RALYL: variants seen among roughly 807,000 people sequenced by gnomAD.
The protein encoded by RALYL is RALY RNA binding protein like, also known as RNA-binding Raly-like protein.
RALYL carries 29 observed loss-of-function variants against 35.1 expected under a neutral mutation model. The observed-to-expected ratio is 0.83, with a 90% confidence interval of 0.61 to 1.13. The LOEUF (loss-of-function observed/expected upper bound fraction) is 1.13. RALYL is among the 50% of genes most tolerant of loss of function. The pLI, the probability that RALYL is intolerant of heterozygous loss-of-function variation, is 0.00. For synonymous variants in RALYL, 120 were observed against 127.6 expected (o/e 0.94, Z 0.40); for missense variants, 359 against 360.4 (o/e 1.00, Z 0.03).
At chr8:84,759,253 T>C (rs187493337) in intron 2 of RALYL, among the ~76,000 whole-genome samples, 3 of 152,302 alleles carry the variant, frequency 2.0e-5, no homozygotes, top group Admixed American at 2.0e-4. Flanking sequence ...GTTCCAGGAA[T>C]TGGAATGTTC....
At chr8:84,515,246 T>C (rs150319474) in intron 1 of RALYL, among the ~76,000 whole-genome samples, 4,582 of 152,262 alleles carry the variant, frequency 0.03, 116 homozygotes, top group Non-Finnish European at 0.038. Flanking sequence ...TTTAGTAAAA[T>C]ACAGGCTTTT....
intron 1 of RALYL, among the ~76,000 whole-genome samples, chr8:84,330,273 T>A (rs1846569042): frequency 6.6e-6 from 1 of 152,078 alleles, no homozygotes; most frequent in Non-Finnish European, 1.5e-5. Context: ...AACACTCTAC[T>A]GTTTATAAGA....
At chr8:84,288,256 C>T (rs548326769) in intron 1 of RALYL, among the ~76,000 whole-genome samples, 9 of 152,206 alleles carry the variant, frequency 5.9e-5, no homozygotes, top group East Asian at 3.9e-4. Context: ...AGGCCACATC[C>T]GCAGGAATCA....
intron 2 of RALYL, among the ~76,000 whole-genome samples, chr8:84,569,616 T>C (rs2135753165): frequency 1.3e-5 from 2 of 152,100 alleles, no homozygotes; most frequent in Middle Eastern, 6.8e-3. Flanking sequence ...CTATTTTTGC[T>C]TTTGTTGCAT....
chr8:84,463,236 A>G (rs932319530), intron 1 of RALYL, among the ~76,000 whole-genome samples: 1 of 151,954 alleles, frequency 6.6e-6, no homozygotes, highest in Non-Finnish European at 1.5e-5. Context: ...GTTACAGACA[A>G]TTGCTCTAGA....
At chr8:84,411,244 C>G (rs564265038) in intron 1 of RALYL, among the ~76,000 whole-genome samples, 4 of 152,056 alleles carry the variant, frequency 2.6e-5, no homozygotes, top group African/African-American at 9.6e-5. Context: ...AACTACAGAA[C>G]ATCACTGGAC....
At chr8:84,519,786 TTTC>T (rs2058326726) in intron 1 of RALYL, among the ~76,000 whole-genome samples, 1 of 152,200 alleles carries the variant, frequency 6.6e-6, no homozygotes, top group South Asian at 2.1e-4. Flanking sequence ...GTGTCACTGA[TTTC>T]TTCTTCTCCA....
chr8:84,367,635 T>A (rs1285920562), intron 1 of RALYL, among the ~76,000 whole-genome samples: 1 of 152,084 alleles, frequency 6.6e-6, no homozygotes, highest in Non-Finnish European at 1.5e-5. Context: ...TTCTATAATT[T>A]TTGAGAATAT....
At chr8:84,857,856 C>CT (rs201820608) in intron 5 of RALYL, among the ~76,000 whole-genome samples, 9 of 151,778 alleles carry the variant, frequency 5.9e-5, no homozygotes, top group African/African-American at 1.9e-4. Context: ...TTTTTATGTA[C>CT]TTTTTTTTCC....
intron 8 of RALYL, among the ~76,000 whole-genome samples, chr8:84,920,338 T>A (rs1444684576): frequency 7.9e-5 from 12 of 152,196 alleles, no homozygotes; most frequent in Admixed American, 7.9e-4. Context: ...CCAATTGAAT[T>A]TGGGCTCTTA....
chr8:84,337,390 T>G (rs1475349024), intron 1 of RALYL, among the ~76,000 whole-genome samples: 3 of 152,000 alleles, frequency 2.0e-5, no homozygotes, highest in Admixed American at 6.6e-5. Context: ...AATGGTGTAT[T>G]TCAGATATCT....
At chr8:84,615,428 T>A (rs1362046904) in intron 2 of RALYL, among the ~76,000 whole-genome samples, 1 of 151,430 alleles carries the variant, frequency 6.6e-6, no homozygotes, top group Non-Finnish European at 1.5e-5. Context: ...ATATACCATC[T>A]TATTCCAGAA....
chr8:84,370,674 G>A (rs1855502840), intron 1 of RALYL, among the ~76,000 whole-genome samples: 1 of 152,094 alleles, frequency 6.6e-6, no homozygotes, highest in Admixed American at 6.6e-5. Context: ...AAGCTAGGTG[G>A]AAGTGTTTAG....
intron 2 of RALYL, among the ~76,000 whole-genome samples, chr8:84,555,107 C>T (rs2061012868): frequency 6.6e-6 from 1 of 152,086 alleles, no homozygotes; most frequent in Non-Finnish European, 1.5e-5. Context: ...GGTGAAACCC[C>T]ACCTCTACTA....
intron 4 of RALYL, among the ~76,000 whole-genome samples, chr8:84,838,264 G>T (rs1258533477): frequency 6.6e-6 from 1 of 152,058 alleles, no homozygotes; most frequent in Admixed American, 6.6e-5. Context: ...CACTCAGAAA[G>T]AAAAAGGGGA....
At chr8:84,587,234 G>A (rs1445504044) in intron 2 of RALYL, among the ~76,000 whole-genome samples, 2 of 152,116 alleles carry the variant, frequency 1.3e-5, no homozygotes, top group African/African-American at 4.8e-5. Flanking sequence ...ATTTCTTGAG[G>A]TTGAAAGCTT....
chr8:84,705,446 C>A (rs1841029571), intron 2 of RALYL, among the ~76,000 whole-genome samples: 1 of 152,066 alleles, frequency 6.6e-6, no homozygotes, highest in Non-Finnish European at 1.5e-5. Context: ...TGAAAATGTG[C>A]AATTTCTGTT....
intron 1 of RALYL, among the ~76,000 whole-genome samples, chr8:84,359,534 G>C (rs1852524166): frequency 6.6e-6 from 1 of 151,842 alleles, no homozygotes; most frequent in Non-Finnish European, 1.5e-5. Flanking sequence ...AAGTATTTTA[G>C]TCATGTCTAA....
At chr8:84,591,359 A>C (rs1813222710) in intron 2 of RALYL, among the ~76,000 whole-genome samples, 1 of 152,160 alleles carries the variant, frequency 6.6e-6, no homozygotes, top group East Asian at 1.9e-4. Context: ...ATTATTTATA[A>C]TACAGCAAAA....
Sources: allele counts gnomAD v4.1 joint callset (sites outside exome capture counted in the v4.1 genomes callset), GRCh38; gene constraint gnomAD v4.1.1; transcripts MANE v1.5; gene names NCBI Gene and HGNC (gene_info 2026-07-23, HGNC 2026-07-21).